Variants in ATF1 observed in about 807,000 individuals in gnomAD.
ATF1 encodes the protein cyclic AMP-dependent transcription factor ATF-1.
In ATF1, 16 loss-of-function variants were observed where a neutral mutation model predicts 34.7. That is an observed-to-expected ratio of 0.46 (90% CI 0.31 to 0.70). ATF1 has a LOEUF of 0.70. Ranked by LOEUF, ATF1 falls within the 30% of genes least tolerant of loss-of-function variation. ATF1 has a pLI of 0.05. For missense variants in ATF1, 255 were observed against 321.6 expected, an observed-to-expected ratio of 0.79 and a Z score of 1.58; for synonymous variants, 105 against 113.1, an observed-to-expected ratio of 0.93 and a Z score of 0.46.
chr12:50,800,660 A>T (rs1423880714), intron 3 of ATF1, among the ~76,000 whole-genome samples: 1 of 152,158 alleles, frequency 6.6e-6, no homozygotes, highest in African/African-American at 2.4e-5. Flanking sequence ...TCTAGGTTGC[A>T]TGCTCTTCAT....
intron 4 of ATF1, 125 bp downstream of exon 4, chr12:50,809,714 G>C: frequency 9.5e-7 from 1 of 1,052,542 alleles, no homozygotes; most frequent in Non-Finnish European, 1.3e-6. Context: ...TTTTCAGCCA[G>C]GAATAATGCG....
intron 2 of ATF1, among the ~76,000 whole-genome samples, chr12:50,793,960 A>T (rs945427995): frequency 2.0e-5 from 3 of 150,724 alleles, no homozygotes; most frequent in Non-Finnish European, 3.0e-5. Flanking sequence ...TTTTATTTTT[A>T]TTTTTTTTGA....
chr12:50,780,018 A>T (rs1398275310), intron 1 of ATF1, 122 bp from the exon 2 acceptor site: 3 of 621,658 alleles, frequency 4.8e-6, no homozygotes, highest in Middle Eastern at 4.0e-4. Flanking sequence ...CTATCTCTAT[A>T]CCATTGCTAC....
At chr12:50,782,331 C>T (rs1310268285) in intron 2 of ATF1, among the ~76,000 whole-genome samples, 1 of 152,026 alleles carries the variant, frequency 6.6e-6, no homozygotes, top group East Asian at 1.9e-4. Context: ...TCTCGGCTCA[C>T]TGCAACCTCC....
chr12:50,765,442 G>A (rs75154938), intron 1 of ATF1, among the ~76,000 whole-genome samples: 2 of 152,162 alleles, frequency 1.3e-5, no homozygotes, highest in African/African-American at 2.4e-5. Context: ...ATTCCTACCC[G>A]ATCACCAGCA....
intron 2 of ATF1, among the ~76,000 whole-genome samples, chr12:50,790,043 G>A (rs1941268376): frequency 1.3e-5 from 2 of 152,092 alleles, no homozygotes; most frequent in South Asian, 4.2e-4. Flanking sequence ...AGGAATGATG[G>A]CCCTTAGTCT....
At chr12:50,780,114 T>G in intron 1 of ATF1, 26 bp from the exon 2 acceptor site, 1 of 1,518,358 alleles carries the variant, frequency 6.6e-7, no homozygotes. Flanking sequence ...ATATTTAATT[T>G]TAACGGACTT....
chr12:50,774,029 T>G (rs1940849074), intron 1 of ATF1, among the ~76,000 whole-genome samples: 1 of 152,160 alleles, frequency 6.6e-6, no homozygotes. Context: ...GCAAGTTTTC[T>G]TTTCTTTTTT....
Position 50,774,779 on chromosome 12 carries a change from ACT to A in ATF1, c.-6-5358_-6-5357del, listed in dbSNP as rs560511407. ...TTTTTTTTTTTTGAGACGGAGTCTC[ACT>A]CTGTCGCCCAGGCTGGAGTCCAGTG... On this transcript the variant is annotated intron_variant, in intron 1 of 6. Transcript: ENST00000262053. 8.6e-4 allele frequency among the ~76,000 whole-genome samples: 127 copies of A among 146,888 alleles called. 1 individual carries two copies. Among genetic ancestry groups the A allele is most frequent in the African/African-American group, 3.1e-3 (123 of 39,550 alleles).
chr12:50,783,865 T>TAA lies in ATF1; in HGVS notation c.93+3627_93+3628insAA, dbSNP rs762089428. Among the ~76,000 whole-genome samples, 53 of 113,632 alleles carry TAA rather than the reference T, an allele frequency of 4.7e-4. 1 individual carries two copies. The highest frequency in any genetic ancestry group is 5.3e-4 in the Non-Finnish European group (29 of 54,968). The allele number at this position is 113,632 out of a possible 152,430, so 74.5% of individuals were successfully genotyped here. On this transcript the variant is annotated intron_variant, in intron 2 of 6. Coordinates refer to ENST00000262053, the MANE Select transcript of ATF1 (RefSeq NM_005171.5). ...CTGGGCGACAGCGCAAAACTCCGTC[T>TAA]GAAAAAAAAAAAAAAAAAATGGCTG...
chr12:50,800,777 G>T (rs1230167247), intron 3 of ATF1, among the ~76,000 whole-genome samples: 3 of 152,178 alleles, frequency 2.0e-5, no homozygotes, highest in African/African-American at 7.2e-5. Context: ...GGTCCCTGGT[G>T]CCAAAAGGGT....
chr12:50,772,909 CCCTT>C (rs1448648732), intron 1 of ATF1, among the ~76,000 whole-genome samples: 2 of 152,152 alleles, frequency 1.3e-5, no homozygotes, highest in African/African-American at 2.4e-5. Context: ...CTGATGCTCT[CCCTT>C]CCCCCACCGC....
chr12:50,806,395 ATC>A, intron 3 of ATF1: 1 of 505,668 alleles, frequency 2.0e-6, no homozygotes, highest in Non-Finnish European at 4.1e-6. Flanking sequence ...GATGACAGTT[ATC>A]AGCAGGATGC....
chr12:50,819,568 A>G, intron 6 of ATF1, 67 bp from the exon 7 acceptor site: 1 of 1,547,814 alleles, frequency 6.5e-7, no homozygotes, highest in African/African-American at 1.4e-5. Context: ...AAAATTACTG[A>G]AGAACATTTA....
At chr12:50,765,513 TTTTGTTTGTTTG>T (rs144997003) in intron 1 of ATF1, among the ~76,000 whole-genome samples, 3 of 152,134 alleles carry the variant, frequency 2.0e-5, no homozygotes, top group Non-Finnish European at 4.4e-5. Context: ...TTTTGTTTTG[TTTTGTTTGTTTG>T]TTTGTTTGTT....
intron 3 of ATF1, among the ~76,000 whole-genome samples, chr12:50,804,261 A>G (rs1295710405): frequency 6.6e-6 from 1 of 152,242 alleles, no homozygotes; most frequent in Non-Finnish European, 1.5e-5. Flanking sequence ...TATTAATGTC[A>G]TATAAGATAG....
upstream of ATF1, among the ~76,000 whole-genome samples, chr12:50,763,902 T>C (rs536238730): frequency 3.3e-5 from 5 of 152,130 alleles, no homozygotes; most frequent in East Asian, 9.7e-4. Context: ...GAGGAACGCG[T>C]TCCGAGGAAC....
intron 3 of ATF1, among the ~76,000 whole-genome samples, chr12:50,808,743 ATT>A (rs34559730): frequency 3.3e-4 from 46 of 140,222 alleles, no homozygotes; most frequent in African/African-American, 9.0e-4. Flanking sequence ...GATTATTGTA[ATT>A]TTTTTTTTTT....
At chr12:50,800,199 C>G (rs189993632) in intron 3 of ATF1, among the ~76,000 whole-genome samples, 1 of 152,286 alleles carries the variant, frequency 6.6e-6, no homozygotes, top group Admixed American at 6.5e-5. Context: ...AATGGAATAG[C>G]ATTTTTAAAG....
Sources: allele counts gnomAD v4.1 joint callset (sites outside exome capture counted in the v4.1 genomes callset), GRCh38; gene constraint gnomAD v4.1.1; transcripts MANE v1.5; gene names NCBI Gene and HGNC (gene_info 2026-07-23, HGNC 2026-07-21).